The following PCDH15 variants were observed in gnomAD, a reference collection of about 807,000 sequenced individuals.
PCDH15 encodes the protein protocadherin related 15.
PCDH15 carries 129 observed loss-of-function variants against 178.5 expected under a neutral mutation model. The observed-to-expected ratio is 0.72, with a 90% CI of 0.63 to 0.84. The LOEUF is 0.84. Among genes scored for constraint, PCDH15 ranks in the 40% least tolerant of loss-of-function variants. The pLI, the probability that PCDH15 is intolerant of heterozygous loss-of-function variation, is 0.00. For synonymous variants in PCDH15, 800 were observed against 732.0 expected (o/e 1.09, Z -1.50); for missense variants, 2,230 against 2,099.9 (o/e 1.06, Z -1.21).
chr10:55,252,197 T>C (rs1277462381), intron 1 of PCDH15, among the ~76,000 whole-genome samples: 1 of 152,120 alleles, frequency 6.6e-6, no homozygotes, highest in Admixed American at 6.5e-5. Context: ...TAATGAGCCT[T>C]TTACAGAGTT....
At chr10:55,015,349 C>G (rs1409428599) in intron 2 of PCDH15, among the ~76,000 whole-genome samples, 2 of 151,788 alleles carry the variant, frequency 1.3e-5, no homozygotes, top group Admixed American at 1.3e-4. Flanking sequence ...TACCTCAATG[C>G]CTCACTAAAC....
intron 1 of PCDH15, among the ~76,000 whole-genome samples, chr10:55,294,924 C>T (rs898272651): frequency 1.3e-5 from 2 of 152,094 alleles, no homozygotes; most frequent in African/African-American, 4.8e-5. Flanking sequence ...TTTCTCTGAT[C>T]TGGTTAAAAG....
chr10:55,066,712 T>C (rs1183963164), intron 2 of PCDH15, among the ~76,000 whole-genome samples: 1 of 150,998 alleles, frequency 6.6e-6, no homozygotes, highest in African/African-American at 2.4e-5. Context: ...CTGTATCACA[T>C]TTTATAAATA....
At position 55,151,910 on chromosome 10, in the gene PCDH15, G is replaced by A. The variant is rs527258242; in HGVS notation, c.-80+14666C>T. On this transcript the variant is annotated intron_variant, in intron 2 of 5. Coordinates refer to the PCDH15 transcript ENST00000458638. ...AAGGATAAAGACAGGATATAGAAAG[G>A]ATGTGTTTTTTTATTAACAAGGATG... is the stretch of plus-strand genomic sequence containing the variant. 2.0e-5 allele frequency among the ~76,000 whole-genome samples: 3 copies of A among 148,348 alleles called. No homozygotes were observed. The East Asian group carries it at 5.8e-4, about 29-fold the overall frequency.
intron 1 of PCDH15, among the ~76,000 whole-genome samples, chr10:55,192,379 T>A (rs956372500): frequency 9.2e-5 from 14 of 151,780 alleles, no homozygotes; most frequent in African/African-American, 3.1e-4. Context: ...GAAGACAAAA[T>A]ATGCCCTATA....
intron 2 of PCDH15, among the ~76,000 whole-genome samples, chr10:54,605,097 T>C (rs2092690531): frequency 6.6e-6 from 1 of 151,868 alleles, no homozygotes; most frequent in South Asian, 2.1e-4. Flanking sequence ...AACATGTGTA[T>C]CTATTAATGT....
At chr10:53,878,351 CTATA>C (rs1296539501) in intron 26 of PCDH15, among the ~76,000 whole-genome samples, 2 of 135,254 alleles carry the variant, frequency 1.5e-5, no homozygotes, top group Non-Finnish European at 3.1e-5. Context: ...ATATAATAGA[CTATA>C]TATACTCATA....
chr10:53,938,687 A>G (rs1463099415), intron 25 of PCDH15, 128 bp downstream of exon 25: 1 of 993,508 alleles, frequency 1.0e-6, no homozygotes, highest in Non-Finnish European at 1.5e-6. Flanking sequence ...ATAGGCAATC[A>G]TCTCAGAGTA....
intron 1 of PCDH15, among the ~76,000 whole-genome samples, chr10:55,179,094 C>CT: frequency 6.6e-6 from 1 of 152,200 alleles, no homozygotes; most frequent in East Asian, 1.9e-4. Flanking sequence ...AAATTTGTTT[C>CT]TTTTTGGCTA....
intron 2 of PCDH15, among the ~76,000 whole-genome samples, chr10:55,617,182 G>C (rs1303670364): frequency 1.3e-5 from 2 of 151,926 alleles, no homozygotes; most frequent in Non-Finnish European, 2.9e-5. Flanking sequence ...TTCCAAATAG[G>C]AGTGTTTACT....
intron 2 of PCDH15, among the ~76,000 whole-genome samples, chr10:54,634,964 A>C (rs1344749299): frequency 1.3e-5 from 2 of 151,752 alleles, no homozygotes; most frequent in Non-Finnish European, 2.9e-5. Context: ...CTTTAGGAAG[A>C]TAGCAGTAAG....
At chr10:54,970,065 G>A (rs1370612768) in intron 2 of PCDH15, among the ~76,000 whole-genome samples, 1 of 152,134 alleles carries the variant, frequency 6.6e-6, no homozygotes, top group Admixed American at 6.5e-5. Flanking sequence ...ATTAGGCCAG[G>A]AGGGCTTTGT....
chr10:53,819,786 A>T (rs555651130), intron 33 of PCDH15, among the ~76,000 whole-genome samples: 2 of 151,980 alleles, frequency 1.3e-5, no homozygotes, highest in Non-Finnish European at 2.9e-5. Context: ...AAATAATACT[A>T]AAAGGTCTCA....
chr10:54,093,822 A>T (rs1385116390), intron 15 of PCDH15, among the ~76,000 whole-genome samples: 1 of 152,176 alleles, frequency 6.6e-6, no homozygotes, highest in Non-Finnish European at 1.5e-5. Flanking sequence ...TGAAAGATGC[A>T]TCTTTTTTAT....
At chr10:54,101,866 T>G (rs2136162965) in intron 15 of PCDH15, among the ~76,000 whole-genome samples, 1 of 152,088 alleles carries the variant, frequency 6.6e-6, no homozygotes, top group East Asian at 1.9e-4. Context: ...TCTCAGCTAC[T>G]TGGGAGGCTG....
At chr10:55,403,280 T>A (rs1451183720) in intron 2 of PCDH15, among the ~76,000 whole-genome samples, 1 of 151,852 alleles carries the variant, frequency 6.6e-6, no homozygotes, top group Non-Finnish European at 1.5e-5. Flanking sequence ...CAGTACCTTG[T>A]CAAATGAAGA....
intron 1 of PCDH15, among the ~76,000 whole-genome samples, chr10:55,260,166 G>A (rs891668854): frequency 6.6e-6 from 1 of 151,822 alleles, no homozygotes; most frequent in Non-Finnish European, 1.5e-5. Flanking sequence ...AGTAAGAATT[G>A]TTTAATTGTT....
intron 3 of PCDH15, among the ~76,000 whole-genome samples, chr10:54,388,227 T>A (rs941866973): frequency 1.1e-4 from 16 of 152,184 alleles, no homozygotes; most frequent in African/African-American, 3.9e-4. Flanking sequence ...TTCATCAGCA[T>A]GAAGGGTCCA....
intron 2 of PCDH15, among the ~76,000 whole-genome samples, chr10:54,942,394 A>G (rs1342343417): frequency 6.6e-6 from 1 of 151,984 alleles, no homozygotes; most frequent in South Asian, 2.1e-4. Flanking sequence ...CAGAGACTTT[A>G]AATTGTTTGC....
Sources: gnomAD v4.1 joint callset for allele counts (sites outside exome capture counted in the v4.1 genomes callset) on GRCh38, gnomAD v4.1.1 for gene constraint, MANE v1.5 for transcripts, NCBI Gene and HGNC (gene_info 2026-07-23, HGNC 2026-07-21) for gene names.